The following HELZ variants were observed in gnomAD, a reference collection of about 807,000 sequenced individuals.
HELZ encodes the protein helicase with zinc finger.
HELZ carries 23 observed loss-of-function variants against 218.2 expected under a neutral mutation model. The observed-to-expected ratio is 0.11, with a 90% CI of 0.08 to 0.15. HELZ has a LOEUF of 0.15. Among genes scored for constraint, HELZ ranks in the 10% least tolerant of loss-of-function variants. The pLI, the probability that HELZ is intolerant of heterozygous loss-of-function variation, is 1.00. For synonymous variants in HELZ, 814 were observed against 829.4 expected, an observed-to-expected ratio of 0.98 and a Z score of 0.32; for missense variants, 1,813 against 2,353.7, an observed-to-expected ratio of 0.77 and a Z score of 4.75.
intron 25 of HELZ, among the ~76,000 whole-genome samples, chr17:67,123,544 G>A (rs531625171): frequency 6.6e-6 from 1 of 152,140 alleles, no homozygotes; most frequent in African/African-American, 2.4e-5. Context: ...CATACAATAT[G>A]AAAGTTAAGG....
chr17:67,150,831 C>T (rs1279456782), intron 18 of HELZ, among the ~76,000 whole-genome samples: 1 of 152,100 alleles, frequency 6.6e-6, no homozygotes, highest in Non-Finnish European at 1.5e-5. Flanking sequence ...TTTTGTGGAC[C>T]ATATAATGAA....
At chr17:67,132,234 G>T (rs954921423) in intron 23 of HELZ, among the ~76,000 whole-genome samples, 1 of 152,108 alleles carries the variant, frequency 6.6e-6, no homozygotes, top group South Asian at 2.1e-4. Context: ...GTGTGTGTGT[G>T]TGTGTGTGTG....
chr17:67,119,994 T>TTTTTC (rs2037552741), intron 27 of HELZ: 2 of 163,410 alleles, frequency 1.2e-5, no homozygotes, highest in Admixed American at 1.8e-4. Flanking sequence ...CTCCCTTTTC[T>TTTTTC]TTTTTTTTTT....
chr17:67,208,411 T>A (rs1387208371), intron 5 of HELZ, among the ~76,000 whole-genome samples: 3 of 152,148 alleles, frequency 2.0e-5, no homozygotes, highest in Non-Finnish European at 4.4e-5. Context: ...AATGTTAATT[T>A]CCTTGTTTTG....
rs932189719 is a variant in HELZ at position 67,125,227 on chromosome 17, A to G, written c.3388-1213T>C. ...ATGAAGTCAGAAAAAGACCCCCTAAAAAATCATAGTTGGTCCATTAACCTC... is the reference window on the plus strand; with the variant it reads ...ATGAAGTCAGAAAAAGACCCCCTAAGAAATCATAGTTGGTCCATTAACCTC... On this transcript the variant is annotated intron_variant, in intron 24 of 32. Transcript: ENST00000358691. 4.2e-5 allele frequency among the ~76,000 whole-genome samples: 6 copies of G among 142,724 alleles called. No homozygotes were observed. In the South Asian group the frequency reaches 1.1e-3, roughly 26 times the overall value. The allele number at this position is 142,724 out of a possible 152,430, so 93.6% of individuals were successfully genotyped here.
At chr17:67,222,519 G>A (rs2040774039) in intron 3 of HELZ, among the ~76,000 whole-genome samples, 1 of 152,136 alleles carries the variant, frequency 6.6e-6, no homozygotes, top group Non-Finnish European at 1.5e-5. Flanking sequence ...CTCAGAAGTG[G>A]ATATCTACCC....
intron 26 of HELZ, among the ~76,000 whole-genome samples, chr17:67,121,934 A>G (rs955359942): frequency 6.6e-6 from 1 of 152,214 alleles, no homozygotes; most frequent in African/African-American, 2.4e-5. Flanking sequence ...AAATAAAAAG[A>G]TAAAATGAAA....
Position 67,086,838 on chromosome 17 carries a change from C to G in HELZ, c.5485G>C (p.Glu1829Gln), listed in dbSNP as rs754680764. 14 of 1,613,408 alleles carry G rather than the reference C, an allele frequency of 8.7e-6. No individual in the cohort carries two copies. The African/African-American group carries it at 1.3e-4, about 15-fold the overall frequency. ...NGSSRTAQPR[E>Q]LIAPPKTVKP... The stretch of plus-strand genomic sequence containing the variant: ...ACCAACTCTGTCTTACCTATCAACT[C>G]TCTGGGCTGAGCTGTCCTGCTGGAT... Residue 1829 changes from glutamate (E) to glutamine (Q), a missense_variant, in exon 32 of 33, where the codon GAG (glutamate) becomes CAG (glutamine). Glu to Gln is a conservative substitution (Grantham distance 29). This residue lies in a region of HELZ where 938 missense variants were observed against 1,027.5 expected (regional missense o/e 0.91). Transcript: ENST00000358691.
At chr17:67,089,287 A>G (rs1052117913) in intron 31 of HELZ, among the ~76,000 whole-genome samples, 1 of 152,222 alleles carries the variant, frequency 6.6e-6, no homozygotes, top group Non-Finnish European at 1.5e-5. Flanking sequence ...AGTATAAACG[A>G]TAACCTTTTT....
At chr17:67,148,315 T>A (rs563101324) in intron 20 of HELZ, among the ~76,000 whole-genome samples, 1 of 152,322 alleles carries the variant, frequency 6.6e-6, no homozygotes, top group East Asian at 1.9e-4. Flanking sequence ...GTCTTCTGTG[T>A]TAATTGTTGT....
chr17:67,141,581 C>A (rs1337943333), intron 21 of HELZ, among the ~76,000 whole-genome samples: 1 of 151,792 alleles, frequency 6.6e-6, no homozygotes, highest in East Asian at 1.9e-4. Context: ...TATAACCTTT[C>A]TATTCCCTAG....
intron 5 of HELZ, chr17:67,215,642 C>G: frequency 2.2e-6 from 1 of 464,452 alleles, no homozygotes; most frequent in Admixed American, 3.5e-5. Flanking sequence ...CCACCACACC[C>G]GGCCTCACAC....
chr17:67,136,492 T>C (rs896114748), intron 22 of HELZ, among the ~76,000 whole-genome samples: 3 of 152,118 alleles, frequency 2.0e-5, no homozygotes, highest in Admixed American at 2.0e-4. Flanking sequence ...CAGATATCTG[T>C]ATATCCACGT....
Position 67,188,048 on chromosome 17 carries a change from G to A in HELZ, c.1162+271C>T, listed in dbSNP as rs2039803576. Among the ~76,000 whole-genome samples, 3 of 152,162 alleles carry A rather than the reference G, an allele frequency of 2.0e-5. No homozygotes were observed. The highest frequency in any genetic ancestry group is 4.8e-5 in the African/African-American group (2 of 41,452). ...TGCTAAAACCATCTTACTGTGAAAT[G>A]AAACTGGTAGACCAAAACAGGTCTG... On this transcript the variant is annotated intron_variant, in intron 12 of 32. Transcript: ENST00000358691. The surrounding 1 kb of genome is among the most constrained non-coding windows in gnomAD (Gnocchi z 4.1).
At chr17:67,224,958 C>T in intron 3 of HELZ, 1 of 706,436 alleles carries the variant, frequency 1.4e-6, no homozygotes, top group Admixed American at 1.8e-5. Flanking sequence ...CCAAACAGAT[C>T]TAAGAGAATG....
chr17:67,186,181 C>T (rs1323099751), intron 12 of HELZ, among the ~76,000 whole-genome samples: 1 of 151,898 alleles, frequency 6.6e-6, no homozygotes, highest in East Asian at 1.9e-4. Flanking sequence ...CCCAACTCTT[C>T]TCTTTTCCTA....
At chr17:67,227,236 A>G (rs2040918322) in intron 3 of HELZ, among the ~76,000 whole-genome samples, 1 of 151,116 alleles carries the variant, frequency 6.6e-6, no homozygotes, top group African/African-American at 2.4e-5. Context: ...TCTGTCGCCC[A>G]GGTTGGAGTG....
At chr17:67,140,519 A>G (rs2038290379) in intron 21 of HELZ, among the ~76,000 whole-genome samples, 1 of 152,324 alleles carries the variant, frequency 6.6e-6, no homozygotes. Flanking sequence ...GAAGATACAT[A>G]GCGGTTATGC....
At chr17:67,237,279 T>C (rs1266882253) in intron 3 of HELZ, among the ~76,000 whole-genome samples, 1 of 152,160 alleles carries the variant, frequency 6.6e-6, no homozygotes, top group Non-Finnish European at 1.5e-5. Context: ...AGTGAGACTC[T>C]GTCTCGAAAA....
Sources: gnomAD v4.1 joint callset for allele counts (sites outside exome capture counted in the v4.1 genomes callset) on GRCh38, gnomAD v4.1.1 for gene constraint, gnomAD v4.1.1 regional missense constraint, Gnocchi (gnomAD v3.1) non-coding constraint, MANE v1.5 for transcripts, NCBI Gene and HGNC (gene_info 2026-07-23, HGNC 2026-07-21) for gene names.